The following MDFIC variants were observed in gnomAD, a reference collection of about 807,000 sequenced individuals.
The protein encoded by MDFIC is MyoD family inhibitor domain containing.
A neutral mutation model predicts 23.2 loss-of-function variants in MDFIC; 17 were observed. That is an observed-to-expected ratio of 0.73 (90% CI 0.50 to 1.10). The LOEUF (loss-of-function observed/expected upper bound fraction) is 1.10, where lower values mean the gene tolerates loss of function less well. Ranked by LOEUF, MDFIC falls within the 50% of genes least tolerant of loss-of-function variation. MDFIC has a pLI of 0.00. For missense variants in MDFIC, 356 were observed against 316.6 expected, an observed-to-expected ratio of 1.12 and a Z score of -0.95; for synonymous variants, 120 against 115.2, an observed-to-expected ratio of 1.04 and a Z score of -0.27.
At chr7:114,949,106 T>C (rs2115799515) in intron 3 of MDFIC, among the ~76,000 whole-genome samples, 1 of 152,364 alleles carries the variant, frequency 6.6e-6, no homozygotes, top group East Asian at 1.9e-4. Context: ...TTATCATTAA[T>C]ATCATTATTC....
At chr7:115,004,329 A>G (rs766590520) in intron 4 of MDFIC, among the ~76,000 whole-genome samples, 1 of 152,174 alleles carries the variant, frequency 6.6e-6, no homozygotes, top group African/African-American at 2.4e-5. Flanking sequence ...ACTCATGCCT[A>G]TACTCCTAGT....
At chr7:114,999,423 G>GT (rs968457608) in intron 4 of MDFIC, among the ~76,000 whole-genome samples, 42 of 150,570 alleles carry the variant, frequency 2.8e-4, no homozygotes, top group Middle Eastern at 3.4e-3. Context: ...GCTATTTGCT[G>GT]TTTTTTTTTA....
rs1312643972 is a variant in MDFIC at position 114,939,970 on chromosome 7, T to G, written c.95-2305T>G. ...TGATGAGCTAGTTCTTGCCTACTAG[T>G]GAGTTTCCATGAAAAATCTCTTTTA... On this transcript the variant is annotated intron_variant, in intron 2 of 4. Transcript: ENST00000393486. Among the ~76,000 whole-genome samples the G allele has an allele frequency of 1.3e-5, 2 of 152,174 alleles. 1 individual carries two copies. The highest frequency in any genetic ancestry group is 4.8e-5 in the African/African-American group (2 of 41,438).
chr7:115,007,324 AT>A (rs1213510895), intron 4 of MDFIC, among the ~76,000 whole-genome samples: 1 of 152,190 alleles, frequency 6.6e-6, no homozygotes, highest in Admixed American at 6.5e-5. Flanking sequence ...TAAGTACTTA[AT>A]GTGCATTATC....
At chr7:114,944,758 C>T (rs1372502272) in intron 3 of MDFIC, among the ~76,000 whole-genome samples, 1 of 152,162 alleles carries the variant, frequency 6.6e-6, no homozygotes, top group East Asian at 1.9e-4. Flanking sequence ...CCCAGAAACT[C>T]TTTTGTAATA....
rs546219973 is a variant in MDFIC at position 115,014,119 on chromosome 7, G to A, written c.494-1569G>A. 5.1e-6 allele frequency: 5 copies of A among 985,428 alleles called. No individual in the cohort carries two copies. The African/African-American group carries it at 8.7e-5, about 17-fold the overall frequency. The allele number at this position is 985,428 out of a possible 1,614,324, so 61.0% of individuals were successfully genotyped here. ...CTTCCTCCTTTTCACCATCTGCCAA[G>A]TGGAGTGTATGACTTTGTGTTTCCA... On this transcript the variant is annotated intron_variant, in intron 4 of 4. Transcript: ENST00000393486.
intron 4 of MDFIC, among the ~76,000 whole-genome samples, chr7:114,986,812 A>G (rs1327881080): frequency 6.6e-6 from 1 of 152,170 alleles, no homozygotes; most frequent in East Asian, 1.9e-4. Flanking sequence ...TGATCTATTA[A>G]TCTATTAATC....
At chr7:114,937,369 C>T (rs1015693770) in intron 2 of MDFIC, among the ~76,000 whole-genome samples, 2 of 152,186 alleles carry the variant, frequency 1.3e-5, no homozygotes, top group African/African-American at 4.8e-5. Flanking sequence ...ATGTTTGTCA[C>T]TTTCTTTGAG....
chr7:114,993,681 A>G lies in MDFIC; in HGVS notation c.493+13900A>G, dbSNP rs574026214. 2.6e-5 allele frequency among the ~76,000 whole-genome samples: 4 copies of G among 152,152 alleles called. No homozygotes were observed. In the South Asian group the frequency reaches 8.3e-4, roughly 32 times the overall value. ...GTTTTGAGTGAGTTTCTTAATCCTG[A>G]GTTCTAGTTTGATTGCGCTGTGGTC... On this transcript the variant is annotated intron_variant, in intron 4 of 4. Coordinates refer to ENST00000393486, the MANE Select transcript of MDFIC (RefSeq NM_001166345.3).
Position 114,922,219 on chromosome 7 carries a change from G to A in MDFIC, c.-525G>A, listed in dbSNP as rs1282321618. The A allele has an allele frequency of 1.6e-5, 8 of 486,156 alleles. No homozygotes were observed. The East Asian group carries it at 2.8e-4, about 17-fold the overall frequency. 30.1% of individuals were successfully genotyped at this position (486,156 alleles called of 1,614,324 possible). On this transcript the variant is annotated 5_prime_UTR_variant, in exon 1 of 5. Coordinates refer to ENST00000393486, the MANE Select transcript of MDFIC (RefSeq NM_001166345.3). ...CGCGAGGGATCGCGCGGCCGAGCCC[G>A]GGTCGCGCCGCTCCCAGCATCGGGG...
chr7:114,962,088 T>C (rs1272954188), intron 3 of MDFIC, among the ~76,000 whole-genome samples: 8 of 152,200 alleles, frequency 5.3e-5, no homozygotes, highest in Non-Finnish European at 1.0e-4. Context: ...TTCCAGATTT[T>C]TTTCTAGATA....
chr7:114,995,904 C>T (rs1345377603), intron 4 of MDFIC, among the ~76,000 whole-genome samples: 1 of 152,192 alleles, frequency 6.6e-6, no homozygotes. Context: ...TCTTCTGCGT[C>T]ACTCATGCTG....
rs1791836935 is a variant in MDFIC, at chr7:115,018,475, C to T, written c.*2540C>T. On this transcript the variant is annotated 3_prime_UTR_variant, in exon 5 of 5. Coordinates refer to ENST00000393486, the MANE Select transcript of MDFIC (RefSeq NM_001166345.3). The stretch of plus-strand genomic sequence containing the variant: ...TGTATTTATGTTCATAGTACTTTTC[C>T]TCTTGTCTACTCCAGACAGTTATTC... 1 of 152,204 alleles carries T rather than the reference C, an allele frequency of 6.6e-6. No homozygotes were observed. The highest frequency in any genetic ancestry group is 1.5e-5 in the Non-Finnish European group (1 of 67,810). The allele number at this position is 152,204 out of a possible 1,614,324, so 9.4% of individuals were successfully genotyped here.
chr7:115,014,273 C>G (rs945392401), intron 4 of MDFIC: 9 of 985,334 alleles, frequency 9.1e-6, no homozygotes, highest in Non-Finnish European at 1.1e-5. Context: ...AAGAGACTGC[C>G]GTAGGTACCC....
intron 4 of MDFIC, among the ~76,000 whole-genome samples, chr7:114,988,127 T>A (rs1793544909): frequency 6.6e-6 from 1 of 152,160 alleles, no homozygotes; most frequent in Non-Finnish European, 1.5e-5. Context: ...TTCACCGTTG[T>A]TTTTTTGTGT....
chr7:114,959,458 G>A (rs899684292), intron 3 of MDFIC, among the ~76,000 whole-genome samples: 4 of 152,110 alleles, frequency 2.6e-5, no homozygotes, highest in African/African-American at 7.2e-5. Flanking sequence ...ATTTGTGAAA[G>A]TCCTCTTGGA....
intron 2 of MDFIC, 98 bp downstream of exon 2, chr7:114,923,225 G>A (rs76642920): frequency 7.0e-6 from 10 of 1,430,820 alleles, no homozygotes; most frequent in Non-Finnish European, 8.5e-6. Flanking sequence ...GTGCTGTGAG[G>A]AGGGGCTCCC....
At chr7:115,004,345 A>T (rs1247659170) in intron 4 of MDFIC, among the ~76,000 whole-genome samples, 2 of 152,164 alleles carry the variant, frequency 1.3e-5, no homozygotes, top group African/African-American at 4.8e-5. Context: ...CTAGTAGCTC[A>T]TGCCTGTAAT....
Position 114,928,394 on chromosome 7 carries a change from A to G in MDFIC, c.94+5267A>G, listed in dbSNP as rs149630985. Among the ~76,000 whole-genome samples the G allele has an allele frequency of 1.7e-3, 257 of 152,304 alleles. 1 individual carries two copies. Among genetic ancestry groups the G allele is most frequent in the African/African-American group, 5.6e-3 (234 of 41,568 alleles). Reference sequence around the variant, plus strand: ...AAATCAGTGCCATAGTAGAGGCACAAAGAAAGTGTGATGGCAGAACATGGG... The same window carrying G: ...AAATCAGTGCCATAGTAGAGGCACAGAGAAAGTGTGATGGCAGAACATGGG... On this transcript the variant is annotated intron_variant, in intron 2 of 4. Transcript: ENST00000393486.
Sources: allele counts gnomAD v4.1 joint callset (sites outside exome capture counted in the v4.1 genomes callset), GRCh38; gene constraint gnomAD v4.1.1; transcripts MANE v1.5; gene names NCBI Gene and HGNC (gene_info 2026-07-23, HGNC 2026-07-21).